TUFT1: variants seen among roughly 807,000 people sequenced by gnomAD.
The protein encoded by TUFT1 is tuftelin.
TUFT1 carries 43 observed loss-of-function variants against 57.8 expected under a neutral mutation model. The ratio of observed to expected loss-of-function variants is 0.74; its 90% CI spans 0.58 to 0.96. The LOEUF (loss-of-function observed/expected upper bound fraction) is 0.96. Ranked by LOEUF, TUFT1 falls within the 40% of genes least tolerant of loss-of-function variation. The probability of loss-of-function intolerance (pLI) is 0.00; values close to 1 mark genes in which losing one functional copy is unlikely to be tolerated. For missense variants in TUFT1, 459 were observed against 489.0 expected, an observed-to-expected ratio of 0.94 and a Z score of 0.58; for synonymous variants, 166 against 176.7, an observed-to-expected ratio of 0.94 and a Z score of 0.48.
intron 9 of TUFT1, among the ~76,000 whole-genome samples, chr1:151,576,582 A>G (rs1666469038): frequency 6.6e-6 from 1 of 152,088 alleles, no homozygotes; most frequent in South Asian, 2.1e-4. Flanking sequence ...AGGTTTGTTA[A>G]CTTGCTGTAA....
In TUFT1 at chr1:151,581,858, C is replaced by T; in HGVS notation, c.*151C>T. ...TCCTGTGTCTCACCATTCCCAAGCC[C>T]CTGGCCACTCTAAGCTGGGCAGACG... On this transcript the variant is annotated 3_prime_UTR_variant, in exon 13 of 13. Transcript: ENST00000368849. 3 of 762,726 alleles carry T rather than the reference C, an allele frequency of 3.9e-6. No individual in the cohort carries two copies. Among genetic ancestry groups the T allele is most frequent in the Admixed American group, 2.1e-5 (1 of 47,266 alleles). 47.2% of individuals were successfully genotyped at this position (762,726 alleles called of 1,614,324 possible). A position where few individuals can be genotyped will look rare whatever the true frequency, so the allele number is the denominator to read the frequency against.
At chr1:151,544,578 TGAGCCACCGTGCCTG>T in intron 1 of TUFT1, among the ~76,000 whole-genome samples, 1 of 152,236 alleles carries the variant, frequency 6.6e-6, no homozygotes, top group Non-Finnish European at 1.5e-5. Flanking sequence ...ATTACAGGCG[TGAGCCACCGTGCCTG>T]GCCTCTTAAA....
intron 1 of TUFT1, among the ~76,000 whole-genome samples, chr1:151,560,979 TGTGTGTGTGTGTGTGTGTGTGTGTGA>T (rs1268235878): frequency 2.0e-5 from 3 of 150,930 alleles, no homozygotes; most frequent in Non-Finnish European, 4.4e-5. Context: ...TGTGTGTGTG[TGTGTGTGTGTGTGTGTGTGTGTGTGA>T]GTGTTTGAGA....
At position 151,562,658 on chromosome 1, in the gene TUFT1, C is replaced by T; in HGVS notation, c.209C>T (p.Ser70Phe). The T allele has an allele frequency of 6.2e-7, 1 of 1,613,402 alleles. No individual in the cohort carries two copies. Among genetic ancestry groups the T allele is most frequent in the Non-Finnish European group, 8.5e-7 (1 of 1,180,002 alleles). ...GHSLASELVE[S>F]HDGHEEIIKV... ...TCTCTGGCTTCAGAACTGGTGGAGT[C>T]CCATGATGGACATGAGGAGATCATT... The change falls in exon 3 of 13, where the codon TCC becomes TTC. Residue 70 changes from serine to phenylalanine, a missense_variant. Coordinates refer to ENST00000368849, the MANE Select transcript of TUFT1 (RefSeq NM_020127.3).
chr1:151,575,542 C>T (rs1220857506), intron 9 of TUFT1, among the ~76,000 whole-genome samples: 1 of 152,140 alleles, frequency 6.6e-6, no homozygotes, highest in Non-Finnish European at 1.5e-5. Flanking sequence ...TCCTTTCTAC[C>T]TCCAAGGTGA....
In TUFT1 at chr1:151,578,723, CT is replaced by C. The variant is rs1169211857; in HGVS notation, c.822del (p.Ala275LeufsTer31). 1 of 1,561,332 alleles carries C rather than the reference CT, an allele frequency of 6.4e-7. No individual in the cohort carries two copies. Among genetic ancestry groups the C allele is most frequent in the African/African-American group, 1.4e-5 (1 of 73,618 alleles). On this transcript the variant is annotated frameshift_variant, in exon 10 of 13. Transcript: ENST00000368849. LOFTEE classifies it high-confidence loss of function. Reference protein sequence around the residue: ...NADCQAEREKAATLEKEVAGL... With the variant: ...NADCQAEREKXATLEKEVAGL... ...AGCCTTCTGGTCTTTATCCCCAGGGCTGCTACCCTGGAAAAGGAAGTGGCCG... is the reference window on the plus strand; with the variant it reads ...AGCCTTCTGGTCTTTATCCCCAGGGCGCTACCCTGGAAAAGGAAGTGGCCG...
intron 7 of TUFT1, 117 bp downstream of exon 7, chr1:151,569,887 G>T: frequency 1.2e-6 from 1 of 846,356 alleles, no homozygotes; most frequent in Non-Finnish European, 2.0e-6. Context: ...AAACTGGAAA[G>T]GCAAGGCTGT....
At chr1:151,566,527 T>C (rs1666085916) in intron 6 of TUFT1, among the ~76,000 whole-genome samples, 1 of 152,174 alleles carries the variant, frequency 6.6e-6, no homozygotes, top group African/African-American at 2.4e-5. Context: ...ATATGATGCC[T>C]GGGTCCCATC....
chr1:151,549,771 G>A (rs1665451141), intron 1 of TUFT1, among the ~76,000 whole-genome samples: 1 of 152,196 alleles, frequency 6.6e-6, no homozygotes, highest in Admixed American at 6.5e-5. Context: ...CACCTGGGTT[G>A]GAGTGCATGG....
chr1:151,577,627 G>A (rs1666515781), intron 9 of TUFT1, among the ~76,000 whole-genome samples: 1 of 152,156 alleles, frequency 6.6e-6, no homozygotes, highest in African/African-American at 2.4e-5. Flanking sequence ...TTGGGAATCA[G>A]GAGACCTAGA....
chr1:151,552,562 G>A (rs1166977083), intron 1 of TUFT1, among the ~76,000 whole-genome samples: 1 of 151,984 alleles, frequency 6.6e-6, no homozygotes, highest in Non-Finnish European at 1.5e-5. Flanking sequence ...AAATTAGCTG[G>A]GTGTGGTGGG....
At chr1:151,556,107 T>C (rs1035602357) in intron 1 of TUFT1, among the ~76,000 whole-genome samples, 2 of 152,242 alleles carry the variant, frequency 1.3e-5, no homozygotes, top group Non-Finnish European at 1.5e-5. Flanking sequence ...ATAGAGCATG[T>C]AAACTTTTGT....
chr1:151,570,782 A>C (rs1013982427), intron 7 of TUFT1, among the ~76,000 whole-genome samples: 3 of 152,152 alleles, frequency 2.0e-5, no homozygotes, highest in Non-Finnish European at 4.4e-5. Context: ...ATCTTGGCTC[A>C]ATGCAACCTC....
chr1:151,552,707 CAAAAAAAAAAAAA>C (rs869244649), intron 1 of TUFT1, among the ~76,000 whole-genome samples: 1 of 53,480 alleles, frequency 1.9e-5, no homozygotes, highest in African/African-American at 8.7e-5. Flanking sequence ...GACTCTGTCT[CAAAAAAAAAAAAA>C]AAAAAAAAAA....
intron 1 of TUFT1, among the ~76,000 whole-genome samples, chr1:151,558,156 G>A (rs1198825006): frequency 2.0e-5 from 3 of 147,454 alleles, no homozygotes; most frequent in Non-Finnish European, 4.5e-5. Context: ...GTGTAGGTCT[G>A]CTGGTGAGAA....
rs781224526 is a variant in TUFT1 at position 151,540,338 on chromosome 1, T to C, written c.-29T>C. On this transcript the variant is annotated 5_prime_UTR_variant, in exon 1 of 13. Coordinates refer to ENST00000368849, the MANE Select transcript of TUFT1 (RefSeq NM_020127.3). ...GGAGCCAGACAGCGGGGTGGACAAG[T>C]GGCGTGTGTGCTGCGACCCCGAGGG... 25 of 1,613,634 alleles carry C rather than the reference T, an allele frequency of 1.5e-5. No individual in the cohort carries two copies. The highest frequency in any genetic ancestry group is 2.0e-5 in the Non-Finnish European group (24 of 1,179,836).
intron 9 of TUFT1, 63 bp from the exon 10 acceptor site, chr1:151,578,658 C>T: frequency 2.1e-6 from 3 of 1,418,414 alleles, no homozygotes; most frequent in Non-Finnish European, 1.9e-6. Flanking sequence ...CAAGGCTCTT[C>T]CTGTGACTGG....
At chr1:151,554,728 G>T (rs1413817689) in intron 1 of TUFT1, among the ~76,000 whole-genome samples, 1 of 98,934 alleles carries the variant, frequency 1.0e-5, no homozygotes, top group East Asian at 2.9e-4. Context: ...TTTTGAGACA[G>T]AGTCTCACTC....
intron 11 of TUFT1, among the ~76,000 whole-genome samples, chr1:151,580,535 C>T (rs1666614296): frequency 6.6e-6 from 1 of 151,642 alleles, no homozygotes; most frequent in African/African-American, 2.4e-5. Flanking sequence ...TGGTGGCATG[C>T]ATCTGTAGTC....
Sources: allele counts gnomAD v4.1 joint callset (sites outside exome capture counted in the v4.1 genomes callset), GRCh38; gene constraint gnomAD v4.1.1; transcripts MANE v1.5; gene names NCBI Gene and HGNC (gene_info 2026-07-23, HGNC 2026-07-21).